FKBP15: variants seen among roughly 807,000 people sequenced by gnomAD.
The protein encoded by FKBP15 is FK506-binding protein 15.
FKBP15 carries 106 observed loss-of-function variants against 158.1 expected under a neutral mutation model. The ratio of observed to expected loss-of-function variants is 0.67; its 90% CI spans 0.57 to 0.79. FKBP15 has a LOEUF of 0.79. Among genes scored for constraint, FKBP15 ranks in the 30% least tolerant of loss-of-function variants. FKBP15 has a pLI of 0.00. For synonymous variants in FKBP15, 547 were observed against 548.6 expected, an observed-to-expected ratio of 1.00 and a Z score of 0.04; for missense variants, 1,287 against 1,479.1, an observed-to-expected ratio of 0.87 and a Z score of 2.13.
At chr9:113,196,044 ACG>A (rs962585139) in intron 9 of FKBP15, among the ~76,000 whole-genome samples, 17 of 148,968 alleles carry the variant, frequency 1.1e-4, no homozygotes, top group South Asian at 4.2e-4. Context: ...ACACACACAC[ACG>A]CACATATGAG....
intron 2 of FKBP15, among the ~76,000 whole-genome samples, chr9:113,207,917 C>G (rs1219513423): frequency 1.3e-5 from 2 of 152,176 alleles, no homozygotes; most frequent in African/African-American, 4.8e-5. Flanking sequence ...GATAGTCCAT[C>G]TATTTTATTT....
chr9:113,176,948 C>G (rs549367228), intron 20 of FKBP15, among the ~76,000 whole-genome samples: 6 of 152,266 alleles, frequency 3.9e-5, no homozygotes, highest in African/African-American at 1.4e-4. Flanking sequence ...GCTTTGATTT[C>G]CCAATCCTAC....
intron 19 of FKBP15, among the ~76,000 whole-genome samples, chr9:113,180,414 G>A (rs1489687303): frequency 1.7e-5 from 1 of 59,560 alleles, no homozygotes; most frequent in African/African-American, 5.0e-5. Context: ...GTGTGTGTGT[G>A]TGTGTGTGTG....
chr9:113,167,301 G>A (rs1362880831), intron 27 of FKBP15, among the ~76,000 whole-genome samples: 1 of 152,164 alleles, frequency 6.6e-6, no homozygotes, highest in Middle Eastern at 3.2e-3. Context: ...CGTTTTCAGA[G>A]TACCCAAGAA....
intron 4 of FKBP15, chr9:113,206,283 C>T (rs887271549): frequency 7.2e-6 from 4 of 554,732 alleles, no homozygotes; most frequent in Non-Finnish European, 9.6e-6. Context: ...AGGATCATAT[C>T]ACAAAGGTCA....
intron 1 of FKBP15, among the ~76,000 whole-genome samples, chr9:113,217,495 C>T (rs1248972196): frequency 1.3e-5 from 2 of 152,094 alleles, no homozygotes; most frequent in African/African-American, 4.8e-5. Context: ...CAAGCGTGAA[C>T]CACCACGCAC....
At chr9:113,176,299 T>C (rs1269676008) in intron 21 of FKBP15, among the ~76,000 whole-genome samples, 2 of 152,204 alleles carry the variant, frequency 1.3e-5, no homozygotes, top group Non-Finnish European at 2.9e-5. Context: ...TACATGTATG[T>C]GTGTGAGAGT....
Position 113,161,906 on chromosome 9 carries a change from C to T in FKBP15, c.*4172G>A, listed in dbSNP as rs902634457. On this transcript the variant is annotated 3_prime_UTR_variant, in exon 28 of 28. Coordinates refer to ENST00000238256, the MANE Select transcript of FKBP15 (RefSeq NM_015258.2). ...CCAAAGCACTCTGTGAACAGCCAGC[C>T]ACTTGAGAGGCTCAGAAGGCTTTCT... The T allele has an allele frequency of 1.5e-6, 1 of 675,106 alleles. No individual in the cohort carries two copies. The highest frequency in any genetic ancestry group is 1.8e-5 in the African/African-American group (1 of 55,720). The allele number at this position is 675,106 out of a possible 1,614,324, so 41.8% of individuals were successfully genotyped here.
intron 4 of FKBP15, among the ~76,000 whole-genome samples, chr9:113,205,565 G>A (rs10817458): frequency 0.3 from 45,006 of 152,040 alleles, 6,855 homozygotes; most frequent in East Asian, 0.34. Flanking sequence ...TACATTGCTT[G>A]TGGGAATGTG....
intron 19 of FKBP15, among the ~76,000 whole-genome samples, chr9:113,180,400 ATGTG>A (rs61018100): frequency 0.17 from 25,831 of 149,862 alleles, 2,421 homozygotes; most frequent in African/African-American, 0.23. Flanking sequence ...TCAGAAAAAA[ATGTG>A]TGTGTGTGTG....
At chr9:113,196,247 C>T (rs1036645121) in intron 9 of FKBP15, among the ~76,000 whole-genome samples, 1 of 152,096 alleles carries the variant, frequency 6.6e-6, no homozygotes, top group Admixed American at 6.5e-5. Flanking sequence ...TACACACACA[C>T]AATCTTTGCA....
rs944603601 is a variant in FKBP15, at chr9:113,190,664, A to C, written c.1066-86T>G. 19 of 918,670 alleles carry C rather than the reference A, an allele frequency of 2.1e-5. No homozygotes were observed. The African/African-American group carries it at 3.1e-4, about 15-fold the overall frequency. 56.9% of individuals were successfully genotyped at this position (918,670 alleles called of 1,614,324 possible). On this transcript the variant is annotated intron_variant, in intron 11 of 27. Coordinates refer to ENST00000238256, the MANE Select transcript of FKBP15 (RefSeq NM_015258.2). ...TCTATCCCTTTGGCTCTTGTATCAA[A>C]TCCTTCAACAAATCCCCCTACCATA...
At chr9:113,195,341 C>T (rs1477579581) in intron 9 of FKBP15, among the ~76,000 whole-genome samples, 8 of 152,110 alleles carry the variant, frequency 5.3e-5, no homozygotes, top group Non-Finnish European at 1.0e-4. Flanking sequence ...ATATGCATAT[C>T]GATTTGTCAT....
intron 9 of FKBP15, 82 bp from the exon 10 acceptor site, chr9:113,194,251 C>T (rs1017759725): frequency 6.3e-6 from 7 of 1,107,106 alleles, no homozygotes; most frequent in African/African-American, 1.6e-5. Context: ...GAACATCACA[C>T]TCTGGGGACT....
intron 6 of FKBP15, among the ~76,000 whole-genome samples, chr9:113,201,460 G>A (rs60525978): frequency 0.014 from 2,133 of 152,244 alleles, 42 homozygotes; most frequent in African/African-American, 0.049. Flanking sequence ...TGTCCCCTCC[G>A]AATACTTACA....
chr9:113,187,254 T>G, intron 14 of FKBP15: 1 of 157,268 alleles, frequency 6.4e-6, no homozygotes, highest in South Asian at 1.8e-4. Flanking sequence ...CCAGTGACAG[T>G]ATGCCTTATC....
chr9:113,170,529 G>C lies in FKBP15; in HGVS notation c.2759C>G (p.Thr920Arg), dbSNP rs371912906. 1.2e-6 allele frequency: 2 copies of C among 1,609,036 alleles called. No homozygotes were observed. The highest frequency in any genetic ancestry group is 1.7e-6 in the Non-Finnish European group (2 of 1,175,556). ...GRTILGTIMNTIKMVTLQLLN... is the reference protein window; with the variant it reads ...GRTILGTIMNRIKMVTLQLLN... ...ACAGCTGGCTGGCTGTACCTTGATCGTATTCATGATGGTTCCCAGAATGGT... is the reference window on the plus strand; with the variant it reads ...ACAGCTGGCTGGCTGTACCTTGATCCTATTCATGATGGTTCCCAGAATGGT... The change falls in exon 25 of 28, where the codon ACG becomes AGG. Residue 920 changes from threonine (T) to arginine (R), a missense_variant. Physicochemically the swap from Thr to Arg is moderately conservative, Grantham distance 71. Transcript: ENST00000238256.
In FKBP15 at chr9:113,198,956, A is replaced by G; in HGVS notation, c.649-33T>C. 1 of 1,441,974 alleles carries G rather than the reference A, an allele frequency of 6.9e-7. No individual in the cohort carries two copies. The highest frequency in any genetic ancestry group is 1.4e-5 in the African/African-American group (1 of 71,358). The allele number at this position is 1,441,974 out of a possible 1,614,324, so 89.3% of individuals were successfully genotyped here. On this transcript the variant is annotated intron_variant, in intron 7 of 27. Transcript: ENST00000238256. The surrounding 1 kb of genome is among the most constrained non-coding windows in gnomAD (Gnocchi z 5.2). ...TTGATCGAAGGAAATTAGGCCAGCCAATTTCAAAAATAATAATAACCATTA... is the reference window on the plus strand; with the variant it reads ...TTGATCGAAGGAAATTAGGCCAGCCGATTTCAAAAATAATAATAACCATTA...
intron 27 of FKBP15, 83 bp downstream of exon 27, chr9:113,168,377 G>T (rs996822076): frequency 1.2e-5 from 14 of 1,213,060 alleles, no homozygotes; most frequent in Non-Finnish European, 1.7e-5. Context: ...CCACCAACAG[G>T]CTCCATTTCT....
Sources: allele counts gnomAD v4.1 joint callset (sites outside exome capture counted in the v4.1 genomes callset), GRCh38; gene constraint gnomAD v4.1.1; non-coding constraint Gnocchi (gnomAD v3.1); transcripts MANE v1.5; gene names NCBI Gene and HGNC (gene_info 2026-07-23, HGNC 2026-07-21).